Variants in ISM1 observed in about 807,000 individuals in gnomAD.
The protein encoded by ISM1 is isthmin-1.
A neutral mutation model predicts 46.3 loss-of-function variants in ISM1; 25 were observed. The observed-to-expected ratio is 0.54, with a 90% CI of 0.39 to 0.75. The LOEUF (loss-of-function observed/expected upper bound fraction) is 0.75, where lower values mean the gene tolerates loss of function less well. Ranked by LOEUF, ISM1 falls within the 30% of genes least tolerant of loss-of-function variation. The probability of loss-of-function intolerance (pLI) is 0.00; values close to 1 mark genes in which losing one functional copy is unlikely to be tolerated. For missense variants in ISM1, 536 were observed against 625.4 expected, an observed-to-expected ratio of 0.86 and a Z score of 1.52; for synonymous variants, 255 against 256.7, an observed-to-expected ratio of 0.99 and a Z score of 0.06.
chr20:13,274,053 G>A (rs534823140), intron 2 of ISM1, among the ~76,000 whole-genome samples: 13 of 77,926 alleles, frequency 1.7e-4, no homozygotes, highest in South Asian at 1.1e-3. Flanking sequence ...TTCTGTTGGC[G>A]TGTAATTGTG....
chr20:13,243,296 G>A (rs765535195), intron 1 of ISM1, among the ~76,000 whole-genome samples: 1 of 152,122 alleles, frequency 6.6e-6, no homozygotes, highest in African/African-American at 2.4e-5. Flanking sequence ...CCAGGATGAT[G>A]GAGGCCCTGA....
downstream of ISM1, among the ~76,000 whole-genome samples, chr20:13,304,473 T>G (rs1290463939): frequency 6.6e-6 from 1 of 152,164 alleles, no homozygotes; most frequent in Non-Finnish European, 1.5e-5. Flanking sequence ...AAACTACCCA[T>G]TGTCCAGTGC....
chr20:13,242,020 G>A (rs187609019), intron 1 of ISM1, among the ~76,000 whole-genome samples: 1 of 152,294 alleles, frequency 6.6e-6, no homozygotes, highest in East Asian at 1.9e-4. Flanking sequence ...AGGCTGAAGG[G>A]AGGTGAGAAA....
At chr20:13,322,232 C>G in the ISM1 span, among the ~76,000 whole-genome samples, 1 of 152,180 alleles carries the variant, frequency 6.6e-6, no homozygotes, top group South Asian at 2.1e-4. Flanking sequence ...CTTAAAAGTG[C>G]TGTACTCCCA....
At chr20:13,306,564 C>CAAAAAAAAAAAAAAAAAAAAGAAA in the ISM1 span, among the ~76,000 whole-genome samples, 2 of 63,914 alleles carry the variant, frequency 3.1e-5, no homozygotes, top group African/African-American at 7.2e-5. Context: ...GGAGAAAGGA[C>CAAAAAAAAAAAAAAAAAAAAGAAA]AAAAAAAAAA....
At chr20:13,321,291 TAAAG>T in the ISM1 span, among the ~76,000 whole-genome samples, 2 of 72,402 alleles carry the variant, frequency 2.8e-5, no homozygotes, top group Non-Finnish European at 5.7e-5. Flanking sequence ...TTATGACAAA[TAAAG>T]AAGATGCTGA....
intron 4 of ISM1, 141 bp downstream of exon 4, chr20:13,288,824 G>A (rs967239724): frequency 8.1e-5 from 69 of 856,374 alleles, no homozygotes; most frequent in African/African-American, 1.4e-4. Context: ...TCTCCCTGTC[G>A]CCCAGGCTGG....
At chr20:13,325,564 T>C in the ISM1 span, among the ~76,000 whole-genome samples, 4 of 152,186 alleles carry the variant, frequency 2.6e-5, no homozygotes, top group African/African-American at 9.6e-5. Context: ...TACCTAGTTG[T>C]CCCCAGAGAA....
chr20:13,230,967 A>C (rs1186562188), intron 1 of ISM1, among the ~76,000 whole-genome samples: 1 of 152,180 alleles, frequency 6.6e-6, no homozygotes, highest in East Asian at 1.9e-4. Flanking sequence ...CTAAGCACTC[A>C]CTGCCCATTG....
intron 1 of ISM1, among the ~76,000 whole-genome samples, chr20:13,248,528 T>C (rs12624775): frequency 0.3 from 45,835 of 152,140 alleles, 7,305 homozygotes; most frequent in African/African-American, 0.43. Flanking sequence ...TCCCAGCAAG[T>C]GATTTCATAA....
At position 13,292,479 on chromosome 20, in the gene ISM1, T is replaced by G; in HGVS notation, c.877+16T>G. 2 of 1,527,256 alleles carry G rather than the reference T, an allele frequency of 1.3e-6. No individual in the cohort carries two copies. The highest frequency in any genetic ancestry group is 1.8e-6 in the Non-Finnish European group (2 of 1,118,940). The allele number at this position is 1,527,256 out of a possible 1,614,324, so 94.6% of individuals were successfully genotyped here. ...TTTGAAGTTGGTAAGATTTTTTTCT[T>G]TTTTAATCCAAATATTGACTTAGTG... On this transcript the variant is annotated intron_variant, in intron 5 of 5. Transcript: ENST00000262487.
At chr20:13,290,555 A>G (rs921730031) in intron 4 of ISM1, among the ~76,000 whole-genome samples, 17 of 152,292 alleles carry the variant, frequency 1.1e-4, no homozygotes, top group African/African-American at 4.1e-4. Flanking sequence ...AGGCTGAGGC[A>G]GGAGAATGGC....
chr20:13,272,667 T>C (rs1025681969), intron 2 of ISM1, among the ~76,000 whole-genome samples: 1 of 152,252 alleles, frequency 6.6e-6, no homozygotes, highest in African/African-American at 2.4e-5. Flanking sequence ...TGTATTGTTT[T>C]AATTGATAAA....
intron 1 of ISM1, among the ~76,000 whole-genome samples, chr20:13,230,158 C>T (rs2039572888): frequency 6.6e-6 from 1 of 152,118 alleles, no homozygotes; most frequent in Non-Finnish European, 1.5e-5. Flanking sequence ...TTTAATGCCT[C>T]CAAAGCAAAT....
intron 1 of ISM1, among the ~76,000 whole-genome samples, chr20:13,264,986 A>T (rs1015857935): frequency 5.9e-5 from 9 of 152,182 alleles, no homozygotes; most frequent in Non-Finnish European, 1.2e-4. Context: ...TGGACAAGTC[A>T]CAGCGCAGTG....
intron 1 of ISM1, among the ~76,000 whole-genome samples, chr20:13,237,099 T>C (rs1388383519): frequency 6.6e-6 from 1 of 152,136 alleles, no homozygotes; most frequent in Non-Finnish European, 1.5e-5. Flanking sequence ...AAGAGGTTCT[T>C]CATGAGGACC....
chr20:13,316,820 G>A, the ISM1 span, among the ~76,000 whole-genome samples: 16 of 151,308 alleles, frequency 1.1e-4, no homozygotes, highest in Non-Finnish European at 2.1e-4. Context: ...CAAAACACCC[G>A]ATAGTTAATA....
chr20:13,310,665 C>T, the ISM1 span, among the ~76,000 whole-genome samples: 5 of 152,228 alleles, frequency 3.3e-5, no homozygotes, highest in East Asian at 1.9e-4. Flanking sequence ...ACTTGCAAAC[C>T]GTACATCTGA....
chr20:13,272,381 G>T (rs924765921), intron 2 of ISM1, among the ~76,000 whole-genome samples: 1 of 152,194 alleles, frequency 6.6e-6, no homozygotes, highest in African/African-American at 2.4e-5. Flanking sequence ...ATAAAATGCT[G>T]CATTAGGTTA....
Sources: gnomAD v4.1 joint callset for allele counts (sites outside exome capture counted in the v4.1 genomes callset) on GRCh38, gnomAD v4.1.1 for gene constraint, MANE v1.5 for transcripts, NCBI Gene and HGNC (gene_info 2026-07-23, HGNC 2026-07-21) for gene names.